The following PBRM1 variants were observed in gnomAD, a reference collection of about 807,000 sequenced individuals.
PBRM1 encodes the protein protein polybromo-1.
Under a neutral mutation model 194.5 loss-of-function variants are expected in PBRM1, and 27 were observed. The observed-to-expected ratio is 0.14, with a 90% confidence interval of 0.10 to 0.19. PBRM1 has a LOEUF of 0.19. Ranked by LOEUF, PBRM1 falls within the 10% of genes least tolerant of loss-of-function variation. The pLI, the probability that PBRM1 is intolerant of heterozygous loss-of-function variation, is 1.00. For synonymous variants in PBRM1, 655 were observed against 693.2 expected (o/e 0.94, Z 0.87); for missense variants, 1,466 against 2,077.2 (o/e 0.71, Z 5.72).
chr3:52,629,507 A>T (rs2095550149), intron 11 of PBRM1, among the ~76,000 whole-genome samples: 2 of 152,324 alleles, frequency 1.3e-5, no homozygotes, highest in Admixed American at 1.3e-4. Context: ...TGACAGTGCA[A>T]AGTATTTATA....
chr3:52,629,017 T>C (rs769182903), exon 12 of PBRM1: 4 of 1,608,726 alleles, frequency 2.5e-6, no homozygotes, highest in Non-Finnish European at 3.4e-6. Context: ...TTTCATATTC[T>C]TGATTCTTCA....
chr3:52,562,239 A>C (rs1264562535), intron 24 of PBRM1, among the ~76,000 whole-genome samples: 2 of 151,762 alleles, frequency 1.3e-5, no homozygotes, highest in Non-Finnish European at 2.9e-5. Context: ...AGGCAGGAGA[A>C]TGGCGTGAAC....
chr3:52,641,465 A>AAAAAAAAAAAAAAAAAAG (rs1560665000), intron 10 of PBRM1, among the ~76,000 whole-genome samples: 5 of 131,288 alleles, frequency 3.8e-5, no homozygotes, highest in African/African-American at 1.8e-4. Context: ...AAAAAAAAAG[A>AAAAAAAAAAAAAAAAAAG]AAAAAAAAAG....
In PBRM1 at chr3:52,612,318, T is replaced by C. The variant is rs139454698; in HGVS notation, c.1925-2363A>G. ...TCAGTTGCAGTATGTGGACTTTATC[T>C]GGATTCTACTTTAACCAGACACTGC... On this transcript the variant is annotated intron_variant, in intron 15 of 29. Coordinates refer to ENST00000296302, the Ensembl canonical transcript of PBRM1. Among the ~76,000 whole-genome samples the C allele has an allele frequency of 1.3e-4, 19 of 147,372 alleles. No homozygotes were observed. In the East Asian group the frequency reaches 3.8e-3, roughly 29 times the overall value.
intron 17 of PBRM1, among the ~76,000 whole-genome samples, chr3:52,595,589 T>TG (rs2093468068): frequency 6.6e-6 from 1 of 152,192 alleles, no homozygotes; most frequent in Non-Finnish European, 1.5e-5. Context: ...CATTGTGAGA[T>TG]GGTTAGTTTG....
At chr3:52,625,870 G>T (rs2095431202) in intron 13 of PBRM1, among the ~76,000 whole-genome samples, 1 of 152,116 alleles carries the variant, frequency 6.6e-6, no homozygotes, top group South Asian at 2.1e-4. Flanking sequence ...GTGCCACTGT[G>T]CCTGGCCAAA....
At chr3:52,563,338 T>A (rs750646675) in exon 24 of PBRM1, 2 of 1,614,184 alleles carry the variant, frequency 1.2e-6, no homozygotes, top group Non-Finnish European at 1.7e-6. Context: ...GGTCTGAAGC[T>A]GAGGTAGAGA....
chr3:52,554,599 T>C (rs2081818333), intron 27 of PBRM1, 125 bp downstream of exon 29: 1 of 750,850 alleles, frequency 1.3e-6, no homozygotes. Flanking sequence ...TGACAACCTT[T>C]GGATTCTCAG....
At chr3:52,673,047 G>A (rs1454753721) in intron 2 of PBRM1, among the ~76,000 whole-genome samples, 1 of 151,426 alleles carries the variant, frequency 6.6e-6, no homozygotes, top group Non-Finnish European at 1.5e-5. Flanking sequence ...GAGTGCAATG[G>A]TGCAATCTCA....
intron 15 of PBRM1, among the ~76,000 whole-genome samples, chr3:52,612,258 C>CAAAAAAAAAGAAAAAAAAAAAAAA: frequency 4.2e-5 from 1 of 24,012 alleles, no homozygotes; most frequent in Non-Finnish European, 7.7e-5. Context: ...GATTCCGTCT[C>CAAAAAAAAAGAAAAAAAAAAAAAA]AAAAAAAAAA....
At position 52,607,865 on chromosome 3, in the gene PBRM1, TAA is replaced by T. The variant is rs758610545; in HGVS notation, c.2567+1446_2567+1447del. Among the ~76,000 whole-genome samples the T allele has an allele frequency of 7.4e-4, 112 of 152,220 alleles. 1 individual carries two copies. Among genetic ancestry groups the T allele is most frequent in the Non-Finnish European group, 2.1e-4 (14 of 68,040 alleles). Reference sequence around the variant, plus strand: ...AACCATATTATTAAGGACCATTTCTTAAAAGTGTCACACATGGGCCTCACCAA... The same window carrying T: ...AACCATATTATTAAGGACCATTTCTTAAGTGTCACACATGGGCCTCACCAA... On this transcript the variant is annotated intron_variant, in intron 16 of 29. Transcript: ENST00000296302.
intron 11 of PBRM1, among the ~76,000 whole-genome samples, chr3:52,630,967 A>G (rs2095599694): frequency 6.6e-6 from 1 of 152,196 alleles, no homozygotes; most frequent in African/African-American, 2.4e-5. Context: ...ATTGTTCAAA[A>G]TTTTGGACAG....
chr3:52,615,168 T>C (rs972633203), intron 15 of PBRM1, among the ~76,000 whole-genome samples, 183 bp downstream of exon 17: 14 of 152,230 alleles, frequency 9.2e-5, no homozygotes, highest in African/African-American at 3.4e-4. Context: ...ACTCCCCATA[T>C]GCTTGTCACA....
Position 52,593,857 on chromosome 3 carries a change from T to C in PBRM1, c.2780-4602A>G, listed in dbSNP as rs562484498. Among the ~76,000 whole-genome samples the C allele has an allele frequency of 4.2e-4, 64 of 152,342 alleles. 1 individual carries two copies. The highest frequency in any genetic ancestry group is 1.3e-3 in the African/African-American group (52 of 41,574). ...GTTTTATGTCCAATTGTGTGGTTGA[T>C]ATTAGAGTATGTCCCATGTGGTAAT... On this transcript the variant is annotated intron_variant, in intron 17 of 29. Coordinates refer to ENST00000296302, the Ensembl canonical transcript of PBRM1.
intron 27 of PBRM1, 59 bp downstream of exon 29, chr3:52,554,665 A>T: frequency 7.0e-7 from 1 of 1,425,680 alleles, no homozygotes; most frequent in East Asian, 2.6e-5. Context: ...AACTGGTTGA[A>T]AGCGGAAAAA....
chr3:52,588,852 G>A (rs1484305122), intron 18 of PBRM1, among the ~76,000 whole-genome samples: 1 of 152,052 alleles, frequency 6.6e-6, no homozygotes, highest in Non-Finnish European at 1.5e-5. Flanking sequence ...CACCGCGCCC[G>A]ACCTAGAAGC....
At chr3:52,665,863 G>C (rs1042942570) in intron 3 of PBRM1, among the ~76,000 whole-genome samples, 4 of 152,138 alleles carry the variant, frequency 2.6e-5, no homozygotes, top group African/African-American at 9.7e-5. Flanking sequence ...AAAGTACACA[G>C]CACCAGCATT....
At chr3:52,554,825 C>A (rs1220119933) in exon 27 of PBRM1, 3 of 1,599,334 alleles carry the variant, frequency 1.9e-6, no homozygotes, top group African/African-American at 1.3e-5. Flanking sequence ...GCTAACAAGG[C>A]CATCAACTGG....
intron 4 of PBRM1, among the ~76,000 whole-genome samples, chr3:52,659,094 A>G (rs1227891193): frequency 6.6e-6 from 1 of 152,210 alleles, no homozygotes; most frequent in African/African-American, 2.4e-5. Flanking sequence ...ACTGAATTCA[A>G]ATTAAGTCAA....
Sources: allele counts gnomAD v4.1 joint callset (sites outside exome capture counted in the v4.1 genomes callset), GRCh38; gene constraint gnomAD v4.1.1; transcripts MANE v1.5; gene names NCBI Gene and HGNC (gene_info 2026-07-23, HGNC 2026-07-21).